The following GRIA1 variants were observed in gnomAD, a reference collection of about 807,000 sequenced individuals.
GRIA1 encodes glutamate ionotropic receptor AMPA type subunit 1, also known as glutamate receptor 1.
Under a neutral mutation model 99.2 loss-of-function variants are expected in GRIA1, and 31 were observed. The observed-to-expected ratio is 0.31, with a 90% CI of 0.23 to 0.42. The LOEUF is 0.42. Among genes scored for constraint, GRIA1 ranks in the 10% least tolerant of loss-of-function variants. GRIA1 has a pLI of 1.00. For missense variants in GRIA1, 782 were observed against 1,157.5 expected, an observed-to-expected ratio of 0.68 and a Z score of 4.71; for synonymous variants, 438 against 432.4, an observed-to-expected ratio of 1.01 and a Z score of -0.16.
At chr5:153,574,694 G>A (rs1762388498) in intron 2 of GRIA1, among the ~76,000 whole-genome samples, 1 of 152,136 alleles carries the variant, frequency 6.6e-6, no homozygotes. Context: ...AGCAGCTGTA[G>A]TAAATAAAAT....
intron 2 of GRIA1, among the ~76,000 whole-genome samples, chr5:153,591,010 C>A (rs760865881): frequency 1.1e-4 from 17 of 152,178 alleles, no homozygotes; most frequent in Non-Finnish European, 2.1e-4. Context: ...CTGTTGTACT[C>A]AGTGTCAAAA....
intron 2 of GRIA1, among the ~76,000 whole-genome samples, chr5:153,581,001 C>T (rs1762998104): frequency 6.6e-6 from 1 of 152,148 alleles, no homozygotes. Flanking sequence ...AAGAGATAAC[C>T]CTTTAGAAAT....
At chr5:153,579,737 G>A (rs183322103) in intron 2 of GRIA1, among the ~76,000 whole-genome samples, 125 of 152,178 alleles carry the variant, frequency 8.2e-4, no homozygotes, top group African/African-American at 2.9e-3. Flanking sequence ...TTGGAGAAAT[G>A]GCCATGAAGT....
At chr5:153,604,237 C>A (rs1765258578) in intron 2 of GRIA1, among the ~76,000 whole-genome samples, 1 of 152,222 alleles carries the variant, frequency 6.6e-6, no homozygotes, top group African/African-American at 2.4e-5. Context: ...TGACCCCTAA[C>A]TTTGCCAAGC....
chr5:153,567,872 A>T (rs1173599979), intron 2 of GRIA1, among the ~76,000 whole-genome samples: 1 of 152,200 alleles, frequency 6.6e-6, no homozygotes, highest in Non-Finnish European at 1.5e-5. Flanking sequence ...GGGTCAGATT[A>T]TGAAGGATCT....
At chr5:153,741,431 C>T (rs1423809629) in intron 11 of GRIA1, among the ~76,000 whole-genome samples, 2 of 152,134 alleles carry the variant, frequency 1.3e-5, no homozygotes, top group African/African-American at 4.8e-5. Context: ...TTGAAATCAG[C>T]ATTTTGAATA....
At chr5:153,609,361 CAT>C (rs2149407082) in intron 2 of GRIA1, among the ~76,000 whole-genome samples, 1 of 152,146 alleles carries the variant, frequency 6.6e-6, no homozygotes, top group South Asian at 2.1e-4. Context: ...GTCCAAATTA[CAT>C]AGTCTTTCAT....
chr5:153,656,320 C>A (rs1275693326), intron 5 of GRIA1, among the ~76,000 whole-genome samples: 1 of 149,144 alleles, frequency 6.7e-6, no homozygotes, highest in Admixed American at 6.7e-5. Context: ...AACTTCCCAG[C>A]ATGAACAATA....
intron 8 of GRIA1, among the ~76,000 whole-genome samples, chr5:153,691,505 TGTGTATAACTAGAATGAAA>T (rs1757751753): frequency 6.6e-6 from 1 of 152,150 alleles, no homozygotes; most frequent in African/African-American, 2.4e-5. Flanking sequence ...CTTCTGACCC[TGTGTATAACTAGAATGAAA>T]AGACTGGGCA....
At chr5:153,616,325 C>T (rs73287709) in intron 2 of GRIA1, among the ~76,000 whole-genome samples, 3 of 152,114 alleles carry the variant, frequency 2.0e-5, no homozygotes, top group South Asian at 2.1e-4. Context: ...ATTCTTATCT[C>T]GCATTCTGAT....
intron 4 of GRIA1, among the ~76,000 whole-genome samples, chr5:153,655,167 T>C (rs1437865866): frequency 6.6e-6 from 1 of 152,158 alleles, no homozygotes; most frequent in African/African-American, 2.4e-5. Flanking sequence ...ATCTGTACAG[T>C]GAGAGTTTGG....
At chr5:153,543,311 A>G (rs1759306868) in intron 2 of GRIA1, among the ~76,000 whole-genome samples, 1 of 152,186 alleles carries the variant, frequency 6.6e-6, no homozygotes, top group African/African-American at 2.4e-5. Context: ...GGATGATAAG[A>G]ATCAACAGCT....
chr5:153,668,461 C>T (rs1755909009), intron 5 of GRIA1, among the ~76,000 whole-genome samples: 1 of 152,070 alleles, frequency 6.6e-6, no homozygotes, highest in South Asian at 2.1e-4. Context: ...AACTATATGA[C>T]ATTAAATTAC....
In GRIA1 at chr5:153,524,688, G is replaced by A. The variant is rs575945356; in HGVS notation, c.220+30623G>A. Among the ~76,000 whole-genome samples, 7 of 152,280 alleles carry A rather than the reference G, an allele frequency of 4.6e-5. 1 individual carries two copies. Among genetic ancestry groups the A allele is most frequent in the Admixed American group, 3.9e-4 (6 of 15,298 alleles). On this transcript the variant is annotated intron_variant, in intron 2 of 15. Coordinates refer to ENST00000285900, the MANE Select transcript of GRIA1 (RefSeq NM_000827.4). The stretch of plus-strand genomic sequence containing the variant: ...AGCTGGTCACACTTTTTTACAGTAG[G>A]CTTCTCTAATAACACTTGATTCTGT...
upstream of GRIA1, chr5:153,490,643 T>C (rs894282856): frequency 7.2e-6 from 4 of 555,352 alleles, no homozygotes; most frequent in Non-Finnish European, 3.2e-6. Flanking sequence ...CCAGCTAGCA[T>C]GAGGACGGGC....
At chr5:153,705,661 CA>C (rs1424719864) in intron 10 of GRIA1, 35 bp from the exon 11 acceptor site, 12 of 781,200 alleles carry the variant, frequency 1.5e-5, no homozygotes, top group African/African-American at 7.5e-5. Context: ...AGCTCACCTG[CA>C]TTTTTTTTTT....
At chr5:153,703,846 A>T (rs751479674) in intron 10 of GRIA1, among the ~76,000 whole-genome samples, 24 of 152,206 alleles carry the variant, frequency 1.6e-4, no homozygotes, top group Non-Finnish European at 2.8e-4. Flanking sequence ...CCCCTTTCAG[A>T]GCTGGTCTTC....
At chr5:153,724,737 T>C (rs994050827) in intron 11 of GRIA1, among the ~76,000 whole-genome samples, 1 of 152,144 alleles carries the variant, frequency 6.6e-6, no homozygotes, top group African/African-American at 2.4e-5. Flanking sequence ...CCAAGAAATA[T>C]GGGACTATGT....
At chr5:153,707,468 C>G (rs6881489) in intron 11 of GRIA1, among the ~76,000 whole-genome samples, 29 of 152,320 alleles carry the variant, frequency 1.9e-4, no homozygotes, top group African/African-American at 7.0e-4. Flanking sequence ...AGCACTGACT[C>G]TATTTCCTTT....
Sources: gnomAD v4.1 joint callset for allele counts (sites outside exome capture counted in the v4.1 genomes callset) on GRCh38, gnomAD v4.1.1 for gene constraint, MANE v1.5 for transcripts, NCBI Gene and HGNC (gene_info 2026-07-23, HGNC 2026-07-21) for gene names.